ATP13A5: variants seen among roughly 807,000 people sequenced by gnomAD.
ATP13A5 encodes ATPase 13A5.
A neutral mutation model predicts 150.2 loss-of-function variants in ATP13A5; 149 were observed. The observed-to-expected ratio is 0.99, with a 90% CI of 0.87 to 1.14. ATP13A5 has a LOEUF of 1.14. ATP13A5 is among the 50% of genes most tolerant of loss of function. The pLI is 0.00. For synonymous variants in ATP13A5, 497 were observed against 522.2 expected (o/e 0.95, Z 0.66); for missense variants, 1,383 against 1,449.3 (o/e 0.95, Z 0.74).
chr3:193,363,984 G>C, intron 2 of ATP13A5, 123 bp downstream of exon 2: 1 of 1,103,272 alleles, frequency 9.1e-7, no homozygotes, highest in Non-Finnish European at 1.3e-6. Context: ...TTGATCTATG[G>C]AAACTCTTTA....
At chr3:193,313,004 C>T (rs1357320443) in intron 19 of ATP13A5, 1 of 152,128 alleles carries the variant, frequency 6.6e-6, no homozygotes, top group Non-Finnish European at 1.5e-5. Flanking sequence ...AAAATTTCAG[C>T]AGAGGCATTA....
chr3:193,277,643 C>G (rs1439241141), intron 28 of ATP13A5: 4 of 152,136 alleles, frequency 2.6e-5, no homozygotes, highest in Non-Finnish European at 5.9e-5. Flanking sequence ...CAGGTGGAGA[C>G]AGTCTTAATC....
At chr3:193,371,625 GC>G (rs1468939834) in intron 1 of ATP13A5, among the ~76,000 whole-genome samples, 5 of 152,188 alleles carry the variant, frequency 3.3e-5, no homozygotes, top group African/African-American at 1.2e-4. Flanking sequence ...CCATTCTCTT[GC>G]TGGTAGTCAG....
At chr3:193,350,968 T>A (rs1348705978) in intron 7 of ATP13A5, 99 bp downstream of exon 7, 3 of 1,396,298 alleles carry the variant, frequency 2.1e-6, no homozygotes, top group Non-Finnish European at 2.9e-6. Flanking sequence ...TTATGACTTA[T>A]GGTTGACAAA....
chr3:193,308,381 C>G (rs940354931), intron 21 of ATP13A5, among the ~76,000 whole-genome samples: 6 of 152,128 alleles, frequency 3.9e-5, no homozygotes, highest in Non-Finnish European at 8.8e-5. Context: ...ATTGCTTGAA[C>G]CTTGGAAGCG....
chr3:193,308,009 A>T (rs1391462379), intron 21 of ATP13A5, among the ~76,000 whole-genome samples: 1 of 152,242 alleles, frequency 6.6e-6, no homozygotes, highest in African/African-American at 2.4e-5. Flanking sequence ...GTTATACATT[A>T]TAAGTATTGA....
intron 15 of ATP13A5, 47 bp downstream of exon 15, chr3:193,322,444 C>G: frequency 7.3e-7 from 1 of 1,369,568 alleles, no homozygotes; most frequent in Admixed American, 1.8e-5. Context: ...AATGTTTTAC[C>G]AGTTTTATGG....
At chr3:193,286,860 T>G (rs1717743857) in intron 26 of ATP13A5, among the ~76,000 whole-genome samples, 1 of 152,166 alleles carries the variant, frequency 6.6e-6, no homozygotes, top group Non-Finnish European at 1.5e-5. Context: ...GCTAGGCCTC[T>G]TGCACCAGTT....
chr3:193,323,186 T>C (rs1291302147), intron 14 of ATP13A5: 1 of 152,200 alleles, frequency 6.6e-6, no homozygotes, highest in Non-Finnish European at 1.5e-5. Flanking sequence ...GGAGATAGTA[T>C]CTGGTTTCCA....
intron 1 of ATP13A5, among the ~76,000 whole-genome samples, chr3:193,374,362 G>T (rs182191473): frequency 6.7e-6 from 1 of 149,332 alleles, no homozygotes; most frequent in Admixed American, 6.8e-5. Context: ...GTGCATTGTG[G>T]CTGGGTGAGG....
chr3:193,295,096 T>C (rs1718112556), intron 25 of ATP13A5, among the ~76,000 whole-genome samples: 1 of 152,124 alleles, frequency 6.6e-6, no homozygotes, highest in African/African-American at 2.4e-5. Context: ...CATCAATTGT[T>C]GATGACTCCT....
rs1402817478 is a variant in ATP13A5 at position 193,367,193 on chromosome 3, G to A, written c.64-2913C>T. On this transcript the variant is annotated intron_variant, in intron 1 of 29. Transcript: ENST00000342358. ...AAAAAAGTAAGGAAAAGATTATAAAGATGAGTGCAGAAATAAGACAGAAAG... is the reference window on the plus strand; with the variant it reads ...AAAAAAGTAAGGAAAAGATTATAAAAATGAGTGCAGAAATAAGACAGAAAG... 3.3e-5 allele frequency among the ~76,000 whole-genome samples: 5 copies of A among 151,926 alleles called. No homozygotes were observed. The East Asian group carries it at 9.6e-4, about 29-fold the overall frequency.
chr3:193,347,612 A>G (rs891299177), intron 7 of ATP13A5, among the ~76,000 whole-genome samples: 1 of 151,826 alleles, frequency 6.6e-6, no homozygotes, highest in African/African-American at 2.4e-5. Flanking sequence ...GAAGTGGTGA[A>G]GTATGAGTTA....
intron 17 of ATP13A5, among the ~76,000 whole-genome samples, chr3:193,318,690 G>C (rs975545238): frequency 6.6e-6 from 1 of 152,130 alleles, no homozygotes; most frequent in Non-Finnish European, 1.5e-5. Context: ...TGTTTTGATG[G>C]GATGAGAGCT....
chr3:193,365,232 C>A (rs1489929), intron 1 of ATP13A5, among the ~76,000 whole-genome samples: 146,069 of 152,224 alleles, frequency 0.96, 70,105 homozygotes, highest in African/African-American at 0.98. Context: ...ACAGGACTAT[C>A]ATGTTTAGAA....
At chr3:193,374,954 C>T (rs1233271393) in intron 1 of ATP13A5, among the ~76,000 whole-genome samples, 2 of 152,140 alleles carry the variant, frequency 1.3e-5, no homozygotes, top group African/African-American at 4.8e-5. Context: ...CATGGAATGA[C>T]ACAGCAAGAA....
chr3:193,275,330 A>G, intron 29 of ATP13A5, 28 bp from the exon 30 acceptor site: 1 of 1,607,656 alleles, frequency 6.2e-7, no homozygotes, highest in African/African-American at 1.3e-5. Flanking sequence ...AAAACAATCA[A>G]TTTATTGCGC....
At position 193,274,882 on chromosome 3, in the gene ATP13A5, A is replaced by G. The variant is rs1717112819; in HGVS notation, c.*160T>C. On this transcript the variant is annotated 3_prime_UTR_variant, in exon 30 of 30. Transcript: ENST00000342358. ...TAAAGCATACAGTCAGAATAAGCCT[A>G]TCTAAGGTCCCTTGCTGCAAGGTTT... 1 of 992,842 alleles carries G rather than the reference A, an allele frequency of 1.0e-6. No homozygotes were observed. The highest frequency in any genetic ancestry group is 1.6e-5 in the South Asian group (1 of 62,814). 61.5% of individuals were successfully genotyped at this position (992,842 alleles called of 1,614,324 possible). A position where few individuals can be genotyped will look rare whatever the true frequency, so the allele number is the denominator to read the frequency against.
intron 1 of ATP13A5, among the ~76,000 whole-genome samples, chr3:193,370,639 T>C (rs9823175): frequency 0.17 from 25,389 of 152,182 alleles, 2,253 homozygotes; most frequent in African/African-American, 0.19. Flanking sequence ...TGTTAGAAAC[T>C]AATAAGATAT....
Sources: gnomAD v4.1 joint callset for allele counts (sites outside exome capture counted in the v4.1 genomes callset) on GRCh38, gnomAD v4.1.1 for gene constraint, MANE v1.5 for transcripts, NCBI Gene and HGNC (gene_info 2026-07-23, HGNC 2026-07-21) for gene names.